Variants in VEPH1 observed in about 807,000 individuals in gnomAD.
The protein encoded by VEPH1 is ventricular zone-expressed PH domain-containing protein homolog 1.
A neutral mutation model predicts 85.2 loss-of-function variants in VEPH1; 80 were observed. The ratio of observed to expected loss-of-function variants is 0.94; its 90% CI spans 0.78 to 1.13. VEPH1 has a LOEUF of 1.13. Among genes scored for constraint, VEPH1 ranks in the 50% most tolerant of loss-of-function variants. The pLI is 0.00. For missense variants in VEPH1, 955 were observed against 980.5 expected, an observed-to-expected ratio of 0.97 and a Z score of 0.35; for synonymous variants, 297 against 348.0, an observed-to-expected ratio of 0.85 and a Z score of 1.63.
chr3:157,419,278 T>C (rs1285307024), intron 5 of VEPH1, among the ~76,000 whole-genome samples: 2 of 152,098 alleles, frequency 1.3e-5, no homozygotes, highest in Non-Finnish European at 2.9e-5. Flanking sequence ...CAGGCAAAGA[T>C]TCATGATGAA....
intron 5 of VEPH1, among the ~76,000 whole-genome samples, chr3:157,425,367 ACAGAGTCCCTACTGGGGCAC>A (rs1732683047): frequency 6.6e-6 from 1 of 152,200 alleles, no homozygotes; most frequent in Non-Finnish European, 1.5e-5. Context: ...GAGCCTCCAC[ACAGAGTCCCTACTGGGGCAC>A]CAGCCTGTGA....
intron 4 of VEPH1, among the ~76,000 whole-genome samples, chr3:157,432,038 T>C (rs896786507): frequency 1.4e-4 from 22 of 151,748 alleles, no homozygotes; most frequent in African/African-American, 4.6e-4. Context: ...TTAGTAGAGA[T>C]GGAGTTTCAC....
At chr3:157,304,019 T>A (rs1248712717) in intron 11 of VEPH1, among the ~76,000 whole-genome samples, 16 of 52,302 alleles carry the variant, frequency 3.1e-4, no homozygotes, top group Non-Finnish European at 5.0e-4. Flanking sequence ...TCATCTTATA[T>A]TTTTTATATA....
intron 9 of VEPH1, among the ~76,000 whole-genome samples, chr3:157,318,054 G>A (rs1305978955): frequency 6.6e-6 from 1 of 152,088 alleles, no homozygotes; most frequent in Non-Finnish European, 1.5e-5. Context: ...TTATAACCTT[G>A]GCACATGAGA....
intron 6 of VEPH1, among the ~76,000 whole-genome samples, chr3:157,399,064 CATTAGTT>C (rs1730630738): frequency 6.6e-6 from 1 of 151,952 alleles, no homozygotes; most frequent in Non-Finnish European, 1.5e-5. Context: ...GTTAAATCAA[CATTAGTT>C]ATTATTACTT....
chr3:157,267,800 A>T (rs1713947112), intron 12 of VEPH1, among the ~76,000 whole-genome samples: 2 of 152,208 alleles, frequency 1.3e-5, no homozygotes, highest in Non-Finnish European at 2.9e-5. Flanking sequence ...CACTGAAAAT[A>T]CATATCAAAT....
At chr3:157,270,443 G>T (rs1714394682) in intron 12 of VEPH1, among the ~76,000 whole-genome samples, 1 of 152,112 alleles carries the variant, frequency 6.6e-6, no homozygotes, top group Non-Finnish European at 1.5e-5. Context: ...AACCCAAACT[G>T]TTACTGTGTT....
At chr3:157,280,014 CAA>C (rs369384376) in intron 12 of VEPH1, among the ~76,000 whole-genome samples, 6,730 of 109,940 alleles carry the variant, frequency 0.061, 461 homozygotes, top group African/African-American at 0.2. Context: ...GACTCTGTTT[CAA>C]AAAAAAAAAA....
At chr3:157,470,617 T>C in intron 2 of VEPH1, 88 bp from the exon 3 acceptor site, 3 of 1,312,356 alleles carry the variant, frequency 2.3e-6, no homozygotes, top group South Asian at 2.5e-5. Context: ...ATTTAGAAAA[T>C]GGGTGCACCA....
rs145055587 is a variant in VEPH1 at position 157,445,227 on chromosome 3, C to T, written c.529+14954G>A. The stretch of plus-strand genomic sequence containing the variant: ...TAGCCAGCCCTGAGCTGCCTGCCCA[C>T]GGACTTCTTTTACGTGAGAGAAAAA... On this transcript the variant is annotated intron_variant, in intron 4 of 13. Transcript: ENST00000362010. Among the ~76,000 whole-genome samples the T allele has an allele frequency of 1.5e-3, 227 of 152,300 alleles. 1 individual carries two copies. Among genetic ancestry groups the T allele is most frequent in the African/African-American group, 5.2e-3 (215 of 41,558 alleles).
chr3:157,399,758 A>G (rs977848380), intron 6 of VEPH1, among the ~76,000 whole-genome samples: 1 of 152,174 alleles, frequency 6.6e-6, no homozygotes, highest in African/African-American at 2.4e-5. Context: ...TCAAAAGCTA[A>G]GAGTCAATAA....
intron 5 of VEPH1, among the ~76,000 whole-genome samples, chr3:157,425,489 C>T (rs761398243): frequency 1.2e-4 from 18 of 152,114 alleles, no homozygotes; most frequent in Non-Finnish European, 1.9e-4. Context: ...GACTCGGATG[C>T]GAGACATGGA....
chr3:157,270,355 T>C lies in VEPH1; in HGVS notation c.2129-4693A>G, dbSNP rs567837527. ...TTGGCTAGGACATTCTCTACTAACA[T>C]GGATCTGTTTATTTTTTAAAATATC... On this transcript the variant is annotated intron_variant, in intron 12 of 13. Coordinates refer to ENST00000362010, the MANE Select transcript of VEPH1 (RefSeq NM_001167912.2). Among the ~76,000 whole-genome samples the C allele has an allele frequency of 2.8e-4, 43 of 152,148 alleles. 1 individual carries two copies. The East Asian group carries it at 7.5e-3, about 27-fold the overall frequency.
At chr3:157,442,726 C>G in intron 4 of VEPH1, 5 of 1,614,198 alleles carry the variant, frequency 3.1e-6, no homozygotes, top group Non-Finnish European at 4.2e-6. Context: ...GAGATGGCCA[C>G]AGGTCACATT....
intron 6 of VEPH1, among the ~76,000 whole-genome samples, chr3:157,390,946 T>G (rs1161664052): frequency 6.6e-6 from 1 of 152,218 alleles, no homozygotes; most frequent in Non-Finnish European, 1.5e-5. Context: ...CTTGTCCAGA[T>G]GCCAGCGCCC....
chr3:157,486,255 T>A (rs112431587), intron 2 of VEPH1, among the ~76,000 whole-genome samples: 7 of 151,958 alleles, frequency 4.6e-5, no homozygotes, highest in African/African-American at 1.7e-4. Context: ...CCTAGCACTT[T>A]GAGAGACCGA....
At position 157,318,167 on chromosome 3, in the gene VEPH1, G is replaced by C. The variant is rs560278640; in HGVS notation, c.1736-966C>G. On this transcript the variant is annotated intron_variant, in intron 9 of 13. Transcript: ENST00000362010. ...CCTGCTCAATCTGTGGCAGAGCCAGGATTGGAACTCAGCAGGGCTGATACC... is the reference window on the plus strand; with the variant it reads ...CCTGCTCAATCTGTGGCAGAGCCAGCATTGGAACTCAGCAGGGCTGATACC... Among the ~76,000 whole-genome samples, 5 of 152,334 alleles carry C rather than the reference G, an allele frequency of 3.3e-5. No homozygotes were observed. The South Asian group carries it at 1.0e-3, about 32-fold the overall frequency.
chr3:157,374,622 A>T (rs1727892729), intron 7 of VEPH1, among the ~76,000 whole-genome samples: 1 of 152,222 alleles, frequency 6.6e-6, no homozygotes, highest in South Asian at 2.1e-4. Context: ...CCAGGCCAGG[A>T]TGGCATGTGC....
chr3:157,401,979 A>C (rs1046781918), intron 6 of VEPH1, among the ~76,000 whole-genome samples: 9 of 152,128 alleles, frequency 5.9e-5, no homozygotes, highest in Admixed American at 3.3e-4. Flanking sequence ...CCTTTATGTA[A>C]ATGGTGGAAA....
Sources: allele counts gnomAD v4.1 joint callset (sites outside exome capture counted in the v4.1 genomes callset), GRCh38; gene constraint gnomAD v4.1.1; transcripts MANE v1.5; gene names NCBI Gene and HGNC (gene_info 2026-07-23, HGNC 2026-07-21).